UST: variants seen among roughly 807,000 people sequenced by gnomAD.
UST encodes the protein uronyl 2-sulfotransferase, also known as chondroitin sulfate 2-O-sulfotransferase.
In UST, 21 loss-of-function variants were observed where a neutral mutation model predicts 45.6. That is an observed-to-expected ratio of 0.46 (90% confidence interval 0.33 to 0.66). UST has a LOEUF of 0.66. Ranked by LOEUF, UST falls within the 30% of genes least tolerant of loss-of-function variation. The probability of loss-of-function intolerance (pLI) is 0.02; values close to 1 mark genes in which losing one functional copy is unlikely to be tolerated. For missense variants in UST, 463 were observed against 512.4 expected (o/e 0.90, Z 0.93); for synonymous variants, 215 against 200.6 (o/e 1.07, Z -0.61).
At chr6:148,951,389 T>C (rs1780361261) in intron 3 of UST, among the ~76,000 whole-genome samples, 1 of 152,164 alleles carries the variant, frequency 6.6e-6, no homozygotes, top group South Asian at 2.1e-4. Context: ...ACTGTCTTCT[T>C]CATGTGTCTT....
intron 1 of UST, among the ~76,000 whole-genome samples, chr6:148,878,441 A>G (rs1362695570): frequency 8.1e-5 from 4 of 49,112 alleles, no homozygotes; most frequent in East Asian, 1.3e-3. Flanking sequence ...AGTGTGGGGG[A>G]TCGTGTATGA....
rs1297863513 is a variant in UST, at chr6:149,041,522, C to G, written c.937+20041C>G. Among the ~76,000 whole-genome samples the G allele has an allele frequency of 2.0e-5, 3 of 152,178 alleles. No homozygotes were observed. The East Asian group carries it at 5.8e-4, about 29-fold the overall frequency. On this transcript the variant is annotated intron_variant, in intron 7 of 7. Coordinates refer to ENST00000367463, the MANE Select transcript of UST (RefSeq NM_005715.3). ...GCCCCTTGCTCTTCTGGAGGGAACCCCTCTCCTCCAGGGTAGCCCCTGCAC... is the reference window on the plus strand; with the variant it reads ...GCCCCTTGCTCTTCTGGAGGGAACCGCTCTCCTCCAGGGTAGCCCCTGCAC...
At chr6:148,876,973 A>T (rs1481069652) in intron 1 of UST, among the ~76,000 whole-genome samples, 1 of 72,420 alleles carries the variant, frequency 1.4e-5, no homozygotes, top group African/African-American at 6.1e-5. Context: ...TGTGTGGGGG[A>T]TCATGTATGA....
At chr6:148,824,271 C>T (rs1169023435) in intron 1 of UST, among the ~76,000 whole-genome samples, 1 of 152,090 alleles carries the variant, frequency 6.6e-6, no homozygotes, top group African/African-American at 2.4e-5. Flanking sequence ...GTTGGATAAC[C>T]CTGGGTGTTA....
At position 148,909,379 on chromosome 6, in the gene UST, C is replaced by A. The variant is rs17665283; in HGVS notation, c.291+22350C>A. The stretch of plus-strand genomic sequence containing the variant: ...AGAGAGATGCCCGTGCGCTTCCTAC[C>A]GCTCAGATACGGTCATGGTTTCCTT... On this transcript the variant is annotated intron_variant, in intron 2 of 7. Coordinates refer to ENST00000367463, the MANE Select transcript of UST (RefSeq NM_005715.3). Among the ~76,000 whole-genome samples the A allele has an allele frequency of 6.6e-3, 1,002 of 152,270 alleles. 7 individuals are homozygous for A. The highest frequency in any genetic ancestry group is 0.027 in the Middle Eastern group (8 of 294).
chr6:148,809,892 A>T (rs1032203927), intron 1 of UST, among the ~76,000 whole-genome samples: 7 of 152,188 alleles, frequency 4.6e-5, no homozygotes, highest in African/African-American at 1.7e-4. Flanking sequence ...GTGTGTATAC[A>T]TATCCATCCT....
intron 7 of UST, among the ~76,000 whole-genome samples, chr6:149,046,600 C>T (rs1266888434): frequency 1.3e-5 from 2 of 152,220 alleles, no homozygotes; most frequent in Non-Finnish European, 2.9e-5. Flanking sequence ...TCCTTAACCT[C>T]TCTGAATGTC....
intron 5 of UST, among the ~76,000 whole-genome samples, chr6:149,001,418 G>T (rs1376774633): frequency 6.6e-6 from 1 of 152,166 alleles, no homozygotes; most frequent in Non-Finnish European, 1.5e-5. Flanking sequence ...GTACTGAACA[G>T]ATTAAACAAA....
At chr6:148,950,482 T>G (rs1780344284) in intron 3 of UST, among the ~76,000 whole-genome samples, 1 of 152,222 alleles carries the variant, frequency 6.6e-6, no homozygotes, top group Non-Finnish European at 1.5e-5. Context: ...GAATTCCTGC[T>G]GTGATCTGCA....
intron 1 of UST, among the ~76,000 whole-genome samples, chr6:148,796,843 C>A (rs1293301872): frequency 3.7e-5 from 5 of 135,448 alleles, no homozygotes; most frequent in Middle Eastern, 4.0e-3. Context: ...CCCTCTGTCA[C>A]CCAGGCTGGA....
chr6:148,766,620 G>C (rs1776329795), intron 1 of UST, among the ~76,000 whole-genome samples: 1 of 152,198 alleles, frequency 6.6e-6, no homozygotes, highest in Non-Finnish European at 1.5e-5. Context: ...AGTAGAGGCA[G>C]TGATTGGTCA....
intron 1 of UST, among the ~76,000 whole-genome samples, chr6:148,816,796 C>G (rs1213721568): frequency 6.6e-6 from 1 of 151,962 alleles, no homozygotes; most frequent in Admixed American, 6.6e-5. Flanking sequence ...TTTTTTTCAA[C>G]AAACAGCTGA....
At position 149,042,966 on chromosome 6, in the gene UST, T is replaced by A. The variant is rs1448597340; in HGVS notation, c.937+21485T>A. 6.6e-4 allele frequency among the ~76,000 whole-genome samples: 61 copies of A among 92,928 alleles called. No individual in the cohort carries two copies. The South Asian group carries it at 0.014, about 21-fold the overall frequency. 61.0% of individuals were successfully genotyped at this position (92,928 alleles called of 152,430 possible). A position where few individuals can be genotyped will look rare whatever the true frequency, so the allele number is the denominator to read the frequency against. On this transcript the variant is annotated intron_variant, in intron 7 of 7. Transcript: ENST00000367463. Reference sequence around the variant, plus strand: ...CTCCATCACCATCCTTTTCTTTCTTTCTTTCTTTCTTTCTTTCTTTCTTTC... The same window carrying A: ...CTCCATCACCATCCTTTTCTTTCTTACTTTCTTTCTTTCTTTCTTTCTTTC...
chr6:148,782,848 G>A lies in UST; in HGVS notation c.247+35171G>A, dbSNP rs151126710. Among the ~76,000 whole-genome samples, 880 of 152,344 alleles carry A rather than the reference G, an allele frequency of 5.8e-3. 9 individuals carry two copies. Among genetic ancestry groups the A allele is most frequent in the African/African-American group, 0.021 (855 of 41,570 alleles). ...TGAACATTGTTGAAATGACAACAAAGGATTTTGAATATTTCATAAACTTAG... is the reference window on the plus strand; with the variant it reads ...TGAACATTGTTGAAATGACAACAAAAGATTTTGAATATTTCATAAACTTAG... On this transcript the variant is annotated intron_variant, in intron 1 of 7. Transcript: ENST00000367463.
chr6:149,061,162 C>T (rs1426398954), intron 7 of UST, among the ~76,000 whole-genome samples: 3 of 151,926 alleles, frequency 2.0e-5, no homozygotes, highest in Non-Finnish European at 2.9e-5. Flanking sequence ...CTCTGTCCTC[C>T]GGTGCAGCAG....
chr6:148,784,100 C>T (rs2114693078), intron 1 of UST, among the ~76,000 whole-genome samples: 1 of 152,234 alleles, frequency 6.6e-6, no homozygotes, highest in South Asian at 2.1e-4. Context: ...TAAATAAAGA[C>T]TGACTTTTAT....
chr6:148,910,734 TA>T (rs972226959), intron 2 of UST, among the ~76,000 whole-genome samples: 7 of 152,210 alleles, frequency 4.6e-5, no homozygotes, highest in Non-Finnish European at 2.9e-5. Context: ...CATTATGGGT[TA>T]AATAACCTTA....
chr6:149,047,778 A>AT (rs928560187), intron 7 of UST, among the ~76,000 whole-genome samples: 45 of 149,282 alleles, frequency 3.0e-4, no homozygotes, highest in South Asian at 1.3e-3. Flanking sequence ...AATTTAAAGT[A>AT]TTTTTTTTTA....
At chr6:148,962,445 G>A (rs1299790878) in intron 4 of UST, among the ~76,000 whole-genome samples, 1 of 152,242 alleles carries the variant, frequency 6.6e-6, no homozygotes, top group Non-Finnish European at 1.5e-5. Context: ...GCAATTTTGA[G>A]GGTCTAATTA....
Sources: allele counts gnomAD v4.1 joint callset (sites outside exome capture counted in the v4.1 genomes callset), GRCh38; gene constraint gnomAD v4.1.1; transcripts MANE v1.5; gene names NCBI Gene and HGNC (gene_info 2026-07-23, HGNC 2026-07-21).